LARS2: variants seen among roughly 807,000 people sequenced by gnomAD.
The protein encoded by LARS2 is leucine--tRNA ligase, mitochondrial.
LARS2 carries 81 observed loss-of-function variants against 116.6 expected under a neutral mutation model. The observed-to-expected ratio is 0.69, with a 90% CI of 0.58 to 0.84. LARS2 has a LOEUF of 0.84. Ranked by LOEUF, LARS2 falls within the 40% of genes least tolerant of loss-of-function variation. The probability of loss-of-function intolerance (pLI) is 0.00; values close to 1 mark genes in which losing one functional copy is unlikely to be tolerated. For synonymous variants in LARS2, 396 were observed against 407.2 expected, an observed-to-expected ratio of 0.97 and a Z score of 0.33; for missense variants, 968 against 1,114.5, an observed-to-expected ratio of 0.87 and a Z score of 1.87.
intron 6 of LARS2, among the ~76,000 whole-genome samples, chr3:45,438,430 A>C (rs1263028751): frequency 1.3e-5 from 2 of 151,984 alleles, no homozygotes; most frequent in Admixed American, 6.5e-5. Context: ...TCATGTATAA[A>C]GCAGTGCTCA....
At chr3:45,435,401 C>G (rs1230536604) in intron 6 of LARS2, among the ~76,000 whole-genome samples, 1 of 152,148 alleles carries the variant, frequency 6.6e-6, no homozygotes, top group African/African-American at 2.4e-5. Flanking sequence ...TTATTATTGC[C>G]CCTCAAGGGT....
At chr3:45,440,759 A>C (rs1575256442) in intron 6 of LARS2, among the ~76,000 whole-genome samples, 1 of 151,850 alleles carries the variant, frequency 6.6e-6, no homozygotes, top group African/African-American at 2.4e-5. Flanking sequence ...GGTGGAGGCA[A>C]CCTAGCAGGC....
chr3:45,519,395 G>A (rs1392066342), intron 18 of LARS2, among the ~76,000 whole-genome samples: 2 of 150,302 alleles, frequency 1.3e-5, no homozygotes, highest in East Asian at 4.0e-4. Flanking sequence ...GGAGGCTGAA[G>A]CAGGAGAATC....
At chr3:45,517,124 G>A (rs2125753791) in intron 17 of LARS2, among the ~76,000 whole-genome samples, 1 of 152,336 alleles carries the variant, frequency 6.6e-6, no homozygotes, top group African/African-American at 2.4e-5. Context: ...CCTAGAACTA[G>A]CTGCCTCAGA....
At chr3:45,394,369 G>A in intron 2 of LARS2, 64 bp from the exon 3 acceptor site, 3 of 873,386 alleles carry the variant, frequency 3.4e-6, no homozygotes, top group South Asian at 1.5e-5. Context: ...TGTGCCAAAT[G>A]GAAAGATAAG....
At chr3:45,471,761 T>C (rs1005936135) in intron 8 of LARS2, among the ~76,000 whole-genome samples, 9 of 152,206 alleles carry the variant, frequency 5.9e-5, no homozygotes, top group Non-Finnish European at 2.9e-5. Flanking sequence ...CTATTGGTCA[T>C]TTTCAAAGTT....
intron 4 of LARS2, among the ~76,000 whole-genome samples, chr3:45,406,059 C>G (rs752873356): frequency 2.6e-5 from 4 of 151,988 alleles, no homozygotes; most frequent in Non-Finnish European, 5.9e-5. Context: ...TCTAGTTGAC[C>G]CAGAATATTC....
At chr3:45,455,977 G>T (rs949919494) in intron 7 of LARS2, among the ~76,000 whole-genome samples, 16 of 152,056 alleles carry the variant, frequency 1.1e-4, no homozygotes, top group African/African-American at 3.9e-4. Flanking sequence ...GTAGAATGAT[G>T]GTTACCAGAG....
intron 6 of LARS2, among the ~76,000 whole-genome samples, chr3:45,435,001 G>T (rs1698775874): frequency 6.6e-6 from 1 of 152,170 alleles, no homozygotes; most frequent in African/African-American, 2.4e-5. Context: ...TTTATCTGCA[G>T]CATCCTTTGA....
chr3:45,423,757 T>C (rs1213419887), intron 6 of LARS2, among the ~76,000 whole-genome samples: 1 of 152,226 alleles, frequency 6.6e-6, no homozygotes, highest in Non-Finnish European at 1.5e-5. Flanking sequence ...TTTCTGAACA[T>C]TTTTAAAACT....
chr3:45,400,202 C>T, intron 3 of LARS2, 43 bp from the exon 4 acceptor site: 1 of 1,586,180 alleles, frequency 6.3e-7, no homozygotes, highest in African/African-American at 1.3e-5. Context: ...ATGCAGAGTT[C>T]CCAGAAAATG....
At chr3:45,429,698 C>CTTTTTTTTT (rs35874596) in intron 6 of LARS2, among the ~76,000 whole-genome samples, 6 of 108,138 alleles carry the variant, frequency 5.5e-5, no homozygotes, top group Non-Finnish European at 8.8e-5. Context: ...CATCCTTCTG[C>CTTTTTTTTT]TTTTTTTTTT....
chr3:45,534,035 G>A (rs115555695), intron 20 of LARS2, among the ~76,000 whole-genome samples: 14 of 152,320 alleles, frequency 9.2e-5, no homozygotes, highest in African/African-American at 2.2e-4. Flanking sequence ...GTAGGAAAGC[G>A]GGAGAGAGCA....
In LARS2 at chr3:45,400,475, A is replaced by G. The variant is rs1698127651; in HGVS notation, c.363+102A>G. 2.7e-6 allele frequency: 3 copies of G among 1,131,128 alleles called. No homozygotes were observed. The South Asian group carries it at 6.1e-5, about 23-fold the overall frequency. The allele number at this position is 1,131,128 out of a possible 1,614,324, so 70.1% of individuals were successfully genotyped here. A position where few individuals can be genotyped will look rare whatever the true frequency, so the allele number is the denominator to read the frequency against. On this transcript the variant is annotated intron_variant, in intron 4 of 21. Coordinates refer to ENST00000645846, the MANE Select transcript of LARS2 (RefSeq NM_015340.4). ...AAATGAAGAAAACCAACTTTAGTTA[A>G]GATTAGGACAGCTTTGAAGATGGAC... is the stretch of plus-strand genomic sequence containing the variant.
intron 3 of LARS2, among the ~76,000 whole-genome samples, chr3:45,396,634 T>TAA (rs1300967123): frequency 2.1e-4 from 32 of 152,230 alleles, no homozygotes; most frequent in African/African-American, 7.2e-4. Context: ...TATTTATCAT[T>TAA]TAAAAAATAA....
intron 4 of LARS2, among the ~76,000 whole-genome samples, chr3:45,409,366 G>A (rs1337718344): frequency 6.6e-6 from 1 of 152,170 alleles, no homozygotes; most frequent in Non-Finnish European, 1.5e-5. Context: ...GTTCTTCCCA[G>A]TGAATGGACA....
At chr3:45,523,434 C>G (rs1241571472) in intron 19 of LARS2, among the ~76,000 whole-genome samples, 2 of 152,114 alleles carry the variant, frequency 1.3e-5, no homozygotes, top group Non-Finnish European at 2.9e-5. Context: ...TGATCCTTAG[C>G]TGCTTCATCT....
rs370289532 is a variant in LARS2 at position 45,394,691 on chromosome 3, A to C, written c.234+4A>C. The C allele has an allele frequency of 5.4e-5, 86 of 1,593,458 alleles. No individual in the cohort carries two copies. The highest frequency in any genetic ancestry group is 7.3e-5 in the Non-Finnish European group (85 of 1,161,314). On this transcript the variant is annotated splice_donor_region_variant and intron_variant, in intron 3 of 21. Coordinates refer to ENST00000645846, the MANE Select transcript of LARS2 (RefSeq NM_015340.4). ...CTCCAAAATTTCAGAAGCTGATGTG[A>C]GTATTCTGAGAGATTCTAAGAGGGT...
At chr3:45,479,933 A>G (rs1699670729) in intron 10 of LARS2, among the ~76,000 whole-genome samples, 1 of 152,206 alleles carries the variant, frequency 6.6e-6, no homozygotes, top group East Asian at 1.9e-4. Flanking sequence ...TCTCCAAAGG[A>G]CAACTTGGAA....
Sources: gnomAD v4.1 joint callset for allele counts (sites outside exome capture counted in the v4.1 genomes callset) on GRCh38, gnomAD v4.1.1 for gene constraint, MANE v1.5 for transcripts, NCBI Gene and HGNC (gene_info 2026-07-23, HGNC 2026-07-21) for gene names.